FBN2: variants seen among roughly 807,000 people sequenced by gnomAD.
FBN2 encodes the protein fibrillin 2, also known as fibrillin-2.
A neutral mutation model predicts 355.6 loss-of-function variants in FBN2; 105 were observed. That is an observed-to-expected ratio of 0.30 (90% CI 0.25 to 0.35). The LOEUF (loss-of-function observed/expected upper bound fraction) is 0.35. Among genes scored for constraint, FBN2 ranks in the 10% least tolerant of loss-of-function variants. The probability of loss-of-function intolerance (pLI) is 1.00; values close to 1 mark genes in which losing one functional copy is unlikely to be tolerated. For missense variants in FBN2, 3,280 were observed against 3,758.7 expected, an observed-to-expected ratio of 0.87 and a Z score of 3.33; for synonymous variants, 1,350 against 1,301.2, an observed-to-expected ratio of 1.04 and a Z score of -0.81.
intron 5 of FBN2, among the ~76,000 whole-genome samples, chr5:128,516,354 A>C (rs1756279610): frequency 6.6e-6 from 1 of 151,536 alleles, no homozygotes; most frequent in African/African-American, 2.4e-5. Context: ...TTTTACAATT[A>C]GCCTGTAACC....
In FBN2 at chr5:128,453,994, C is replaced by G. The variant is rs575854515; in HGVS notation, c.827-7388G>C. Among the ~76,000 whole-genome samples, 17 of 150,854 alleles carry G rather than the reference C, an allele frequency of 1.1e-4. No homozygotes were observed. In the South Asian group the frequency reaches 1.5e-3, roughly 13 times the overall value. ...TAGAATACTCAGAAATGGCTTGCCCCCCCCCCAAGTTTCTCCTTCCATTAC... is the reference window on the plus strand; with the variant it reads ...TAGAATACTCAGAAATGGCTTGCCCGCCCCCCAAGTTTCTCCTTCCATTAC... On this transcript the variant is annotated intron_variant, in intron 6 of 64. Coordinates refer to ENST00000262464, the MANE Select transcript of FBN2 (RefSeq NM_001999.4).
intron 27 of FBN2, among the ~76,000 whole-genome samples, chr5:128,337,736 T>G (rs888559822): frequency 6.6e-6 from 1 of 152,102 alleles, no homozygotes; most frequent in African/African-American, 2.4e-5. Flanking sequence ...CACAAGGACT[T>G]CCACAGGGCT....
At chr5:128,322,408 T>C (rs1240731343) in intron 34 of FBN2, among the ~76,000 whole-genome samples, 2 of 152,238 alleles carry the variant, frequency 1.3e-5, no homozygotes, top group Admixed American at 6.5e-5. Context: ...TGGCGTTTTT[T>C]ATGGTTTTAG....
At chr5:128,373,807 T>G (rs1204614381) in intron 15 of FBN2, among the ~76,000 whole-genome samples, 9 of 152,182 alleles carry the variant, frequency 5.9e-5, no homozygotes, top group Non-Finnish European at 1.5e-5. Context: ...TGATTGATTT[T>G]CATGGGATCA....
chr5:128,291,649 T>C lies in FBN2; in HGVS notation c.6172A>G (p.Asn2058Asp). 1.2e-6 allele frequency: 2 copies of C among 1,613,484 alleles called. No homozygotes were observed. Among genetic ancestry groups the C allele is most frequent in the Non-Finnish European group, 1.7e-6 (2 of 1,179,478 alleles). Residue 2058 changes from asparagine (N) to aspartate (D), a missense_variant, in exon 49 of 65, where the codon AAT becomes GAT. Around this residue, in one of 6 missense-constraint regions of FBN2, gnomAD observed 2,284 missense variants for 2,749.5 expected, o/e 0.83. Coordinates refer to ENST00000262464, the MANE Select transcript of FBN2 (RefSeq NM_001999.4). The stretch of plus-strand genomic sequence containing the variant: ...ATGTTGGGATCTTCATCACATTCAT[T>C]TATATCTGCAGAACAGGGGGAGTAT... Reference protein sequence around the residue: ...EVKSENCIDINECDEDPNICL... With the variant: ...EVKSENCIDIDECDEDPNICL...
Position 128,491,650 on chromosome 5 carries a change from T to C in FBN2, c.629-26729A>G, listed in dbSNP as rs1168592896. ...TTAACTTTATTTCTTCCATAGCTGC[T>C]CCAAAATCTGAAGAGGGTAATTTTC... On this transcript the variant is annotated intron_variant, in intron 5 of 64. Coordinates refer to ENST00000262464, the MANE Select transcript of FBN2 (RefSeq NM_001999.4). 4.6e-5 allele frequency among the ~76,000 whole-genome samples: 7 copies of C among 152,182 alleles called. No homozygotes were observed. In the East Asian group the frequency reaches 1.3e-3, roughly 29 times the overall value.
At chr5:128,369,148 C>T (rs766539541) in intron 16 of FBN2, 34 bp downstream of exon 16, 11 of 1,610,782 alleles carry the variant, frequency 6.8e-6, no homozygotes. Context: ...TTTCTTGATT[C>T]TTTATCAACT....
At position 128,302,946 on chromosome 5, in the gene FBN2, C is replaced by G. The variant is rs780506426; in HGVS notation, c.5917+27G>C. The G allele has an allele frequency of 4.3e-6, 5 of 1,153,944 alleles. No individual in the cohort carries two copies. The South Asian group carries it at 6.1e-5, about 14-fold the overall frequency. 71.5% of individuals were successfully genotyped at this position (1,153,944 alleles called of 1,614,324 possible). A position where few individuals can be genotyped will look rare whatever the true frequency, so the allele number is the denominator to read the frequency against. On this transcript the variant is annotated intron_variant, in intron 46 of 64. Coordinates refer to ENST00000262464, the MANE Select transcript of FBN2 (RefSeq NM_001999.4). ...ACATTGTGTGGAAATGAAATAGAAG[C>G]AATAAAGGACTGAATGAAGTACTTA...
At chr5:128,473,872 T>C (rs1156348821) in intron 5 of FBN2, among the ~76,000 whole-genome samples, 1 of 152,248 alleles carries the variant, frequency 6.6e-6, no homozygotes, top group Non-Finnish European at 1.5e-5. Context: ...TTACTTTAAT[T>C]ACCACAGTTG....
At chr5:128,375,151 A>G (rs1348563397) in intron 14 of FBN2, among the ~76,000 whole-genome samples, 3 of 152,218 alleles carry the variant, frequency 2.0e-5, no homozygotes, top group African/African-American at 7.2e-5. Context: ...ATAACAAAAT[A>G]ACTTGAGGTA....
chr5:128,435,408 T>G (rs1322597472), intron 7 of FBN2, among the ~76,000 whole-genome samples: 1 of 152,226 alleles, frequency 6.6e-6, no homozygotes, highest in African/African-American at 2.4e-5. Flanking sequence ...GAAACTGTAC[T>G]AAAAGTCATC....
intron 31 of FBN2, among the ~76,000 whole-genome samples, chr5:128,333,487 T>C (rs772436565): frequency 2.0e-5 from 3 of 152,204 alleles, no homozygotes; most frequent in Non-Finnish European, 4.4e-5. Context: ...AAAAAAGTAA[T>C]AGTTTATTCT....
chr5:128,378,666 A>G (rs1171978770), intron 12 of FBN2, 105 bp downstream of exon 12: 2 of 1,221,140 alleles, frequency 1.6e-6, no homozygotes, highest in Non-Finnish European at 2.4e-6. Flanking sequence ...GTAATAATGT[A>G]ACACTTATTT....
In FBN2 at chr5:128,537,804, C is replaced by G; in HGVS notation, c.-201G>C. 3.2e-6 allele frequency: 2 copies of G among 620,412 alleles called. No individual in the cohort carries two copies. The highest frequency in any genetic ancestry group is 5.7e-6 in the Non-Finnish European group (2 of 353,788). The allele number at this position is 620,412 out of a possible 1,614,324, so 38.4% of individuals were successfully genotyped here. On this transcript the variant is annotated 5_prime_UTR_variant, in exon 1 of 65. Coordinates refer to ENST00000262464, the MANE Select transcript of FBN2 (RefSeq NM_001999.4). ...ACTGCCCGCGAAGCGAGACGCGGGG[C>G]GCCGGGTCTAGCGCAGTGAGCGGCG...
intron 6 of FBN2, among the ~76,000 whole-genome samples, chr5:128,456,100 T>A (rs549440541): frequency 8.4e-4 from 125 of 149,078 alleles, no homozygotes; most frequent in Non-Finnish European, 1.3e-3. Flanking sequence ...GCTGTGCTTT[T>A]CCCCTGCTGG....
Position 128,335,120 on chromosome 5 carries a change from T to C in FBN2, c.3973+50A>G. On this transcript the variant is annotated intron_variant, in intron 30 of 64. Coordinates refer to ENST00000262464, the MANE Select transcript of FBN2 (RefSeq NM_001999.4). ...TATCACGCTTGTGTGTGCATGTGGG[T>C]GTGTGTGCATGTGTGTGTATAAATG... The C allele has an allele frequency of 3.1e-6, 5 of 1,610,846 alleles. No individual in the cohort carries two copies. The South Asian group carries it at 5.5e-5, about 18-fold the overall frequency.
At position 128,464,838 on chromosome 5, in the gene FBN2, G is replaced by A. The variant is rs563428887; in HGVS notation, c.712C>T (p.Leu238=). The part of the protein sequence containing the change: ...QLTGIVCTKT[L]CCATIGRAWG... ...GCCCGTCCAATGGTGGCACAGCACA[G>A]AGTCTTCGTGCAGACAATGCCTGTC... The change falls in exon 6 of 65, where the codon CTG becomes TTG. Residue 238 remains leucine, a synonymous_variant. Transcript: ENST00000262464. 1.9e-6 allele frequency: 3 copies of A among 1,614,246 alleles called. No homozygotes were observed. Among genetic ancestry groups the A allele is most frequent in the African/African-American group, 1.3e-5 (1 of 75,074 alleles).
At chr5:128,398,457 T>C (rs1752707877) in intron 8 of FBN2, among the ~76,000 whole-genome samples, 1 of 151,620 alleles carries the variant, frequency 6.6e-6, no homozygotes, top group African/African-American at 2.4e-5. Flanking sequence ...AAAAGGCCCA[T>C]AAACAATGAA....
intron 7 of FBN2, among the ~76,000 whole-genome samples, chr5:128,443,764 C>T (rs1753985185): frequency 1.3e-5 from 2 of 152,180 alleles, no homozygotes; most frequent in South Asian, 4.1e-4. Flanking sequence ...ACAGGAAGAA[C>T]ATCATCTTAA....
Sources: gnomAD v4.1 joint callset for allele counts (sites outside exome capture counted in the v4.1 genomes callset) on GRCh38, gnomAD v4.1.1 for gene constraint, gnomAD v4.1.1 regional missense constraint, MANE v1.5 for transcripts, NCBI Gene and HGNC (gene_info 2026-07-23, HGNC 2026-07-21) for gene names.